FRMD4A: variants seen among roughly 807,000 people sequenced by gnomAD.
The protein encoded by FRMD4A is FERM domain containing 4A, also known as FERM domain-containing protein 4A.
In FRMD4A, 29 loss-of-function variants were observed where a neutral mutation model predicts 129.1. The observed-to-expected ratio is 0.22, with a 90% CI of 0.17 to 0.31. FRMD4A has a LOEUF of 0.31. Among genes scored for constraint, FRMD4A ranks in the 10% least tolerant of loss-of-function variants. FRMD4A has a pLI of 1.00. For synonymous variants in FRMD4A, 634 were observed against 571.6 expected (o/e 1.11, Z -1.56); for missense variants, 1,272 against 1,375.8 (o/e 0.92, Z 1.19).
intron 13 of FRMD4A, among the ~76,000 whole-genome samples, chr10:13,705,947 G>A (rs926602641): frequency 3.3e-5 from 5 of 152,154 alleles, no homozygotes; most frequent in Admixed American, 2.0e-4. Context: ...CATTCCTACC[G>A]GGTTATCATG....
chr10:13,714,036 ATATATATATATAT>A (rs2088474164), intron 12 of FRMD4A, among the ~76,000 whole-genome samples: 1 of 4,710 alleles, frequency 2.1e-4, no homozygotes, highest in African/African-American at 6.4e-4. Context: ...ACATATATAT[ATATATATATATAT>A]ATATATATAT....
At chr10:14,098,938 AC>A (rs1837155310) in intron 2 of FRMD4A, among the ~76,000 whole-genome samples, 1 of 152,206 alleles carries the variant, frequency 6.6e-6, no homozygotes, top group Non-Finnish European at 1.5e-5. Flanking sequence ...CAGTGGTAGG[AC>A]CTTGGACTAC....
chr10:13,770,365 A>C (rs2092421287), intron 6 of FRMD4A, among the ~76,000 whole-genome samples: 1 of 152,064 alleles, frequency 6.6e-6, no homozygotes, highest in Admixed American at 6.6e-5. Flanking sequence ...CATGCTGTCC[A>C]CCCCACCGCA....
At chr10:14,008,162 CTGTGTGTGTGTGTGTGTGTGTG>C (rs752913059) in intron 2 of FRMD4A, 7 of 630,176 alleles carry the variant, frequency 1.1e-5, no homozygotes, top group African/African-American at 7.1e-5. Context: ...TGGTGTACAG[CTGTGTGTGTGTGTGTGTGTGTG>C]TGTGTGTGTG....
chr10:13,787,557 A>T (rs1398700779), intron 5 of FRMD4A, among the ~76,000 whole-genome samples: 2 of 151,954 alleles, frequency 1.3e-5, no homozygotes, highest in African/African-American at 4.8e-5. Flanking sequence ...ACCTCCTGGG[A>T]TCAAGTGACC....
At chr10:13,842,451 G>A (rs145881528) in intron 3 of FRMD4A, among the ~76,000 whole-genome samples, 157 of 152,318 alleles carry the variant, frequency 1.0e-3, no homozygotes, top group African/African-American at 3.7e-3. Context: ...CAGAGATCAG[G>A]TGGTTGGTTT....
intron 2 of FRMD4A, chr10:13,991,744 G>C (rs907272559): frequency 2.0e-5 from 3 of 152,548 alleles, no homozygotes; most frequent in Non-Finnish European, 2.9e-5. Flanking sequence ...CATTGTGTTG[G>C]TTTCCCTTAC....
chr10:13,789,538 A>G (rs974433295), intron 5 of FRMD4A, among the ~76,000 whole-genome samples: 1 of 147,364 alleles, frequency 6.8e-6, no homozygotes, highest in Non-Finnish European at 1.5e-5. Flanking sequence ...TCTGAGCACA[A>G]AGTTGTGCCT....
At chr10:13,783,115 TAAAC>T (rs1471889188) in intron 5 of FRMD4A, 109 bp from the exon 6 acceptor site, 1 of 685,800 alleles carries the variant, frequency 1.5e-6, no homozygotes, top group Non-Finnish European at 2.7e-6. Context: ...CCATCCTAAA[TAAAC>T]AAAGGAAAAA....
At position 13,654,450 on chromosome 10, in the gene FRMD4A, T is replaced by G. The variant is rs535596804; in HGVS notation, c.3016A>C (p.Ser1006Arg). 4 of 1,613,162 alleles carry G rather than the reference T, an allele frequency of 2.5e-6. No homozygotes were observed. The highest frequency in any genetic ancestry group is 3.4e-6 in the Non-Finnish European group (4 of 1,179,234). The change falls in exon 23 of 25, where the codon AGC becomes CGC. Residue 1006 changes from serine to arginine, a missense_variant. Ser to Arg is a moderately radical substitution (Grantham distance 110). Transcript: ENST00000357447. The part of the protein sequence containing the change: ...PSSEIGATPP[S>R]SPHHILTWQT... ...CAGGTTAGGATGTGGTGGGGGCTGC[T>G]TGGGGGGGTGGCTCCAATTTCACTT...
At chr10:13,740,931 A>G (rs1446720675) in intron 9 of FRMD4A, among the ~76,000 whole-genome samples, 1 of 151,056 alleles carries the variant, frequency 6.6e-6, no homozygotes, top group Non-Finnish European at 1.5e-5. Flanking sequence ...AGTTCAAGCA[A>G]TTCTTGTGCC....
intron 2 of FRMD4A, among the ~76,000 whole-genome samples, chr10:13,954,918 C>T (rs2095399799): frequency 6.6e-6 from 1 of 152,136 alleles, no homozygotes; most frequent in South Asian, 2.1e-4. Context: ...ATTATCGGCA[C>T]ATTATCTTTA....
intron 2 of FRMD4A, among the ~76,000 whole-genome samples, chr10:14,290,076 A>T: frequency 6.6e-6 from 1 of 152,096 alleles, no homozygotes; most frequent in East Asian, 1.9e-4. Context: ...CACACTGAAA[A>T]CTACAAATCA....
intron 2 of FRMD4A, among the ~76,000 whole-genome samples, chr10:14,072,751 G>C (rs1429921004): frequency 6.6e-6 from 1 of 152,160 alleles, no homozygotes; most frequent in Non-Finnish European, 1.5e-5. Flanking sequence ...TTCCCACTGA[G>C]ATTCCATATC....
intron 3 of FRMD4A, among the ~76,000 whole-genome samples, chr10:13,828,869 C>T (rs1431617920): frequency 6.6e-6 from 1 of 152,148 alleles, no homozygotes; most frequent in Non-Finnish European, 1.5e-5. Context: ...TTGATGGACA[C>T]TTAAGTGGAT....
chr10:13,925,884 T>A (rs1159245687), intron 2 of FRMD4A, among the ~76,000 whole-genome samples: 1 of 11,814 alleles, frequency 8.5e-5, no homozygotes, highest in Non-Finnish European at 1.3e-4. Flanking sequence ...CACCTGGCTC[T>A]TTTTTTTTTT....
chr10:13,974,652 G>A (rs895933145), intron 2 of FRMD4A, among the ~76,000 whole-genome samples: 1 of 152,048 alleles, frequency 6.6e-6, no homozygotes, highest in Non-Finnish European at 1.5e-5. Context: ...TCAGCCTCCC[G>A]AGTACCTGGG....
intron 2 of FRMD4A, among the ~76,000 whole-genome samples, chr10:14,241,985 G>A (rs531336635): frequency 4.7e-4 from 71 of 152,098 alleles, no homozygotes; most frequent in Non-Finnish European, 8.8e-4. Flanking sequence ...GGAGTAGGAG[G>A]AAACTGCTGT....
At chr10:13,714,151 C>T (rs2088532863) in intron 12 of FRMD4A, among the ~76,000 whole-genome samples, 1 of 148,150 alleles carries the variant, frequency 6.7e-6, no homozygotes, top group Non-Finnish European at 1.5e-5. Flanking sequence ...CCTCTGCTGC[C>T]TCCCGGGTTC....
Sources: allele counts gnomAD v4.1 joint callset (sites outside exome capture counted in the v4.1 genomes callset), GRCh38; gene constraint gnomAD v4.1.1; transcripts MANE v1.5; gene names NCBI Gene and HGNC (gene_info 2026-07-23, HGNC 2026-07-21).